Variants in DGKI observed in about 807,000 individuals in gnomAD.
The protein encoded by DGKI is diacylglycerol kinase iota.
DGKI carries 55 observed loss-of-function variants against 147.5 expected under a neutral mutation model. The observed-to-expected ratio is 0.37, with a 90% CI of 0.30 to 0.47. The LOEUF (loss-of-function observed/expected upper bound fraction) is 0.47, where lower values mean the gene tolerates loss of function less well. DGKI is among the 20% of genes least tolerant of loss of function. The pLI, the probability that DGKI is intolerant of heterozygous loss-of-function variation, is 1.00. For synonymous variants in DGKI, 469 were observed against 477.1 expected (o/e 0.98, Z 0.22); for missense variants, 1,007 against 1,323.8 (o/e 0.76, Z 3.71).
At chr7:137,599,978 T>C (rs1819930879) in intron 10 of DGKI, 73 bp from the exon 11 acceptor site, 1 of 1,276,960 alleles carries the variant, frequency 7.8e-7, no homozygotes, top group Non-Finnish European at 1.1e-6. Context: ...ATTTAAAAAA[T>C]AAATACTTTT....
intron 2 of DGKI, among the ~76,000 whole-genome samples, chr7:137,687,219 C>T (rs1053267102): frequency 2.0e-5 from 3 of 152,168 alleles, no homozygotes; most frequent in Admixed American, 6.5e-5. Flanking sequence ...CTATTGGGGC[C>T]CTCTACCTTA....
intron 3 of DGKI, among the ~76,000 whole-genome samples, chr7:137,677,852 A>C (rs2116388611): frequency 6.6e-6 from 1 of 152,328 alleles, no homozygotes; most frequent in South Asian, 2.1e-4. Flanking sequence ...CCAATCATTT[A>C]AAACTACACA....
intron 8 of DGKI, among the ~76,000 whole-genome samples, chr7:137,617,413 T>TA (rs910728808): frequency 5.3e-5 from 8 of 151,970 alleles, no homozygotes; most frequent in East Asian, 3.9e-4. Context: ...TGAAAAACAG[T>TA]AAAAAAAGAT....
At position 137,841,534 on chromosome 7, in the gene DGKI, C is replaced by T. The variant is rs781024976; in HGVS notation, c.401+4928G>A. On this transcript the variant is annotated intron_variant, in intron 1 of 32. Coordinates refer to ENST00000614521, the MANE Select transcript of DGKI (RefSeq NM_001321708.2). ...TACTGTCCCAAAACTAGTTACAGGA[C>T]CTCAGGAAAAATAATTAGTCTCCAC... Among the ~76,000 whole-genome samples the T allele has an allele frequency of 2.4e-4, 36 of 152,138 alleles. 1 individual carries two copies. The highest frequency in any genetic ancestry group is 7.3e-5 in the Non-Finnish European group (5 of 68,034).
chr7:137,740,754 G>A (rs1001653790), intron 1 of DGKI, among the ~76,000 whole-genome samples: 2 of 152,164 alleles, frequency 1.3e-5, no homozygotes, highest in African/African-American at 4.8e-5. Context: ...GTGACATAAT[G>A]CTCAGCACAT....
intron 1 of DGKI, among the ~76,000 whole-genome samples, chr7:137,728,593 C>T (rs1330451012): frequency 6.6e-6 from 1 of 152,096 alleles, no homozygotes; most frequent in African/African-American, 2.4e-5. Flanking sequence ...AGCCGGGCCT[C>T]TCCAATCCAG....
chr7:137,740,387 C>T (rs1301785525), intron 1 of DGKI, among the ~76,000 whole-genome samples: 5 of 152,192 alleles, frequency 3.3e-5, no homozygotes, highest in African/African-American at 9.6e-5. Flanking sequence ...CCCCTGAGGT[C>T]AGATTCATAA....
chr7:137,808,994 C>T (rs189523103), intron 1 of DGKI, among the ~76,000 whole-genome samples: 3 of 152,294 alleles, frequency 2.0e-5, no homozygotes, highest in African/African-American at 7.2e-5. Context: ...ATCTCCCTTC[C>T]CTATCACCCA....
In DGKI at chr7:137,388,084, T is replaced by G. The variant is rs1243183917; in HGVS notation, c.*3136A>C. On this transcript the variant is annotated 3_prime_UTR_variant, in exon 33 of 33. Coordinates refer to ENST00000614521, the MANE Select transcript of DGKI (RefSeq NM_001321708.2). ...GTGCATTTGCCAGCTAAATTATGTT[T>G]CAAAACTTGCACTGGTTTTTGGTTA... 1 of 152,202 alleles carries G rather than the reference T, an allele frequency of 6.6e-6. No individual in the cohort carries two copies. Among genetic ancestry groups the G allele is most frequent in the Non-Finnish European group, 1.5e-5 (1 of 68,028 alleles). 9.4% of individuals were successfully genotyped at this position (152,202 alleles called of 1,614,324 possible).
intron 7 of DGKI, 61 bp downstream of exon 7, chr7:137,623,422 T>C (rs1209025469): frequency 1.4e-6 from 2 of 1,477,164 alleles, no homozygotes; most frequent in Non-Finnish European, 1.9e-6. Context: ...ACTCAAATAA[T>C]GACACAAGTG....
intron 28 of DGKI, among the ~76,000 whole-genome samples, chr7:137,414,705 A>G (rs1276567608): frequency 6.6e-6 from 1 of 152,160 alleles, no homozygotes; most frequent in Non-Finnish European, 1.5e-5. Flanking sequence ...TGAGTTCATC[A>G]TGCACAGAAC....
In DGKI at chr7:137,390,017, A is replaced by G. The variant is rs1811301277; in HGVS notation, c.*1203T>C. The G allele has an allele frequency of 6.6e-6, 1 of 152,180 alleles. No homozygotes were observed. Among genetic ancestry groups the G allele is most frequent in the Admixed American group, 6.5e-5 (1 of 15,280 alleles). The allele number at this position is 152,180 out of a possible 1,614,324, so 9.4% of individuals were successfully genotyped here. ...AGCCTTTGTTCTTGGGTCAAGGATT[A>G]CTTGGAGTAATGAAAACCAAAAACC... On this transcript the variant is annotated 3_prime_UTR_variant, in exon 33 of 33. Transcript: ENST00000614521.
chr7:137,518,077 T>C (rs1816842009), intron 21 of DGKI, among the ~76,000 whole-genome samples: 1 of 151,952 alleles, frequency 6.6e-6, no homozygotes, highest in Non-Finnish European at 1.5e-5. Flanking sequence ...CTACTTTGAG[T>C]CTGGTTTTAT....
At position 137,465,869 on chromosome 7, in the gene DGKI, C is replaced by T. The variant is rs748537305; in HGVS notation, c.2612+39G>A. 3.7e-6 allele frequency: 6 copies of T among 1,605,170 alleles called. No individual in the cohort carries two copies. The East Asian group carries it at 1.3e-4, about 36-fold the overall frequency. On this transcript the variant is annotated intron_variant, in intron 26 of 32. Transcript: ENST00000614521. ...AAGGCGAACCAGACATGGATGTCACCCTAAGGCCAGCCTCACAGGCCAGGA... is the reference window on the plus strand; with the variant it reads ...AAGGCGAACCAGACATGGATGTCACTCTAAGGCCAGCCTCACAGGCCAGGA...
At chr7:137,775,920 G>A (rs572600985) in intron 1 of DGKI, among the ~76,000 whole-genome samples, 1 of 152,038 alleles carries the variant, frequency 6.6e-6, no homozygotes, top group East Asian at 1.9e-4. Flanking sequence ...GTGCAATGGT[G>A]TGATCTCGGC....
intron 3 of DGKI, among the ~76,000 whole-genome samples, chr7:137,665,529 C>T (rs10279889): frequency 0.033 from 5,079 of 152,206 alleles, 318 homozygotes; most frequent in African/African-American, 0.12. Flanking sequence ...TGATGCTCTT[C>T]GAACAGCGTG....
At chr7:137,526,915 T>A (rs1412274474) in intron 20 of DGKI, among the ~76,000 whole-genome samples, 1 of 152,140 alleles carries the variant, frequency 6.6e-6, no homozygotes, top group Non-Finnish European at 1.5e-5. Context: ...AATCTCTTTA[T>A]GGATAAAGTG....
chr7:137,752,364 T>A (rs1473307353), intron 1 of DGKI, among the ~76,000 whole-genome samples: 1 of 152,198 alleles, frequency 6.6e-6, no homozygotes, highest in Non-Finnish European at 1.5e-5. Flanking sequence ...GAAGGCCTCA[T>A]ATTTATAAAC....
intron 12 of DGKI, among the ~76,000 whole-genome samples, chr7:137,594,636 A>C (rs1000643127): frequency 6.6e-6 from 1 of 152,192 alleles, no homozygotes; most frequent in African/African-American, 2.4e-5. Context: ...ACCTTGTGTC[A>C]AATATATACC....
Sources: allele counts gnomAD v4.1 joint callset (sites outside exome capture counted in the v4.1 genomes callset), GRCh38; gene constraint gnomAD v4.1.1; transcripts MANE v1.5; gene names NCBI Gene and HGNC (gene_info 2026-07-23, HGNC 2026-07-21).